Variants in LMNA observed in about 807,000 individuals in gnomAD.
The protein encoded by LMNA is lamin.
A neutral mutation model predicts 70.4 loss-of-function variants in LMNA; 20 were observed. The ratio of observed to expected loss-of-function variants is 0.28; its 90% CI spans 0.20 to 0.41. The LOEUF (loss-of-function observed/expected upper bound fraction) is 0.41. Ranked by LOEUF, LMNA falls within the 10% of genes least tolerant of loss-of-function variation. LMNA has a pLI of 1.00. For synonymous variants in LMNA, 339 were observed against 372.8 expected, an observed-to-expected ratio of 0.91 and a Z score of 1.04; for missense variants, 652 against 917.2, an observed-to-expected ratio of 0.71 and a Z score of 3.73.
Position 156,091,560 on chromosome 1 carries a change from C to G in LMNA, c.-207+978C>G, listed in dbSNP as rs564028039. On this transcript the variant is annotated intron_variant, in intron 3 of 12. Coordinates refer to the LMNA transcript ENST00000368301. Reference sequence around the variant, plus strand: ...GAGGTTGCGGTAAGCCAAGATCGCGCCACTGCACTCCAGCCTGGGCAATAA... The same window carrying G: ...GAGGTTGCGGTAAGCCAAGATCGCGGCACTGCACTCCAGCCTGGGCAATAA... Among the ~76,000 whole-genome samples, 16 of 152,256 alleles carry G rather than the reference C, an allele frequency of 1.1e-4. 1 individual carries two copies. In the South Asian group the frequency reaches 3.3e-3, roughly 32 times the overall value.
At chr1:156,097,186 G>A (rs886452013) in intron 3 of LMNA, among the ~76,000 whole-genome samples, 2 of 152,204 alleles carry the variant, frequency 1.3e-5, no homozygotes, top group African/African-American at 4.8e-5. Context: ...GAGAGAGGAA[G>A]GGGAGGCCCG....
chr1:156,136,022 AG>A lies in LMNA; in HGVS notation c.1059del (p.Gln353HisfsTer127). Reference sequence around the variant, plus strand: ...ATGGCCGAGATGCGGGCAAGGATGCAGCAGCAGCTGGACGAGTACCAGGAGC... The same window carrying A: ...ATGGCCGAGATGCGGGCAAGGATGCACAGCAGCTGGACGAGTACCAGGAGC... ...REMAEMRARM[Q>X]QQLDEYQELL... On this transcript the variant is annotated frameshift_variant, in exon 6 of 12. Coordinates refer to ENST00000368300, the MANE Select transcript of LMNA (RefSeq NM_170707.4). LOFTEE classifies it high-confidence loss of function. The surrounding 1 kb of genome is among the most constrained non-coding windows in gnomAD (Gnocchi z 6.1). 1 of 1,614,206 alleles carries A rather than the reference AG, an allele frequency of 6.2e-7. No individual in the cohort carries two copies. Among genetic ancestry groups the A allele is most frequent in the Non-Finnish European group, 8.5e-7 (1 of 1,180,042 alleles).
At chr1:156,088,358 G>A (rs1648561305) in intron 2 of LMNA, among the ~76,000 whole-genome samples, 1 of 151,858 alleles carries the variant, frequency 6.6e-6, no homozygotes, top group Non-Finnish European at 1.5e-5. Context: ...AACCTCACTA[G>A]CATTAATTAA....
intron 2 of LMNA, among the ~76,000 whole-genome samples, chr1:156,089,452 C>T (rs879857073): frequency 7.9e-5 from 12 of 151,500 alleles, no homozygotes; most frequent in South Asian, 4.2e-4. Context: ...CGCACCCCCA[C>T]GCCCAGCTAA....
At chr1:156,104,285 T>C (rs990746636) in intron 3 of LMNA, among the ~76,000 whole-genome samples, 13 of 152,130 alleles carry the variant, frequency 8.5e-5, no homozygotes, top group Admixed American at 3.3e-4. Flanking sequence ...GGGAGGAGCC[T>C]GGAAGGGCCT....
At chr1:156,086,393 ACTCTCTCTCTCTCT>A (rs55740793) in intron 2 of LMNA, among the ~76,000 whole-genome samples, 3 of 146,406 alleles carry the variant, frequency 2.0e-5, no homozygotes, top group Non-Finnish European at 4.5e-5. Context: ...GTGACCTCTG[ACTCTCTCTCTCTCT>A]CTCTCTCTCT....
Position 156,136,793 on chromosome 1 carries a change from CAG to C in LMNA, c.1381-127_1381-126del, listed in dbSNP as rs1387265548. ...ATTATCCCCGGGGGAAGGGCAGTGA[CAG>C]GGGTGTGTGTAGATGGAAGGAGAGG... is the stretch of plus-strand genomic sequence containing the variant. On this transcript the variant is annotated intron_variant, in intron 7 of 11. Transcript: ENST00000368300. This position sits in a 1 kb window ranked among gnomAD's most constrained non-coding sequence, Gnocchi z 6.1. The C allele has an allele frequency of 1.9e-5, 15 of 786,644 alleles. No homozygotes were observed. The highest frequency in any genetic ancestry group is 2.8e-5 in the Non-Finnish European group (13 of 458,556). 48.7% of individuals were successfully genotyped at this position (786,644 alleles called of 1,614,324 possible). A position where few individuals can be genotyped will look rare whatever the true frequency, so the allele number is the denominator to read the frequency against.
At chr1:156,132,456 C>T (rs1015237578) in intron 2 of LMNA, among the ~76,000 whole-genome samples, 10 of 151,672 alleles carry the variant, frequency 6.6e-5, no homozygotes, top group Non-Finnish European at 1.3e-4. Flanking sequence ...GGCAACAGAG[C>T]GAGACTCCAT....
chr1:156,095,313 A>G (rs1266406801), intron 3 of LMNA, among the ~76,000 whole-genome samples: 1 of 152,148 alleles, frequency 6.6e-6, no homozygotes, highest in African/African-American at 2.4e-5. Flanking sequence ...TGTCTCTCCA[A>G]AACCTAGCAT....
At chr1:156,126,949 G>T (rs775000206) in intron 1 of LMNA, 39 of 1,537,760 alleles carry the variant, frequency 2.5e-5, no homozygotes, top group Non-Finnish European at 2.7e-5. Flanking sequence ...CCCCTGCCCG[G>T]GTATTGTGTG....
chr1:156,139,934 G>A lies in LMNA; in HGVS notation c.*828G>A. ...GAGGGAGGTCACTGGAAAGGGGAGA[G>A]CCTGCTGGCACCCACCGTGGAGGAG... On this transcript the variant is annotated 3_prime_UTR_variant, in exon 12 of 12. Transcript: ENST00000368300. 1 of 1,175,364 alleles carries A rather than the reference G, an allele frequency of 8.5e-7. No individual in the cohort carries two copies. The highest frequency in any genetic ancestry group is 1.1e-6 in the Non-Finnish European group (1 of 870,398). 72.8% of individuals were successfully genotyped at this position (1,175,364 alleles called of 1,614,324 possible).
At position 156,136,555 on chromosome 1, in the gene LMNA, C is replaced by G; in HGVS notation, c.1380+119C>G. 1.9e-6 allele frequency: 2 copies of G among 1,042,158 alleles called. No individual in the cohort carries two copies. Among genetic ancestry groups the G allele is most frequent in the Non-Finnish European group, 2.9e-6 (2 of 697,206 alleles). 64.6% of individuals were successfully genotyped at this position (1,042,158 alleles called of 1,614,324 possible). A position where few individuals can be genotyped will look rare whatever the true frequency, so the allele number is the denominator to read the frequency against. On this transcript the variant is annotated intron_variant, in intron 7 of 11. Transcript: ENST00000368300. The surrounding 1 kb of genome is among the most constrained non-coding windows in gnomAD (Gnocchi z 6.1). ...CCCTCAGAGGGTGGACCAGGGTGAG[C>G]CTGTATATCTCCTCCACACTCTGGT...
intron 3 of LMNA, among the ~76,000 whole-genome samples, chr1:156,106,013 T>C (rs1490600897): frequency 7.2e-5 from 11 of 151,854 alleles, no homozygotes; most frequent in Admixed American, 7.2e-4. Flanking sequence ...CTGGCTCCTG[T>C]AGTCCCAGGT....
At chr1:156,129,794 TA>T in intron 1 of LMNA, 1 of 740,304 alleles carries the variant, frequency 1.4e-6, no homozygotes. Flanking sequence ...TTCGACTGGT[TA>T]TAGCTAAAGC....
At chr1:156,092,140 A>G (rs1237616852) in intron 3 of LMNA, among the ~76,000 whole-genome samples, 3 of 151,404 alleles carry the variant, frequency 2.0e-5, no homozygotes, top group Admixed American at 1.3e-4. Flanking sequence ...CTGGTCTCAA[A>G]CTCCTGACCT....
upstream of LMNA, among the ~76,000 whole-genome samples, chr1:156,114,260 A>T (rs1572330914): frequency 6.6e-6 from 1 of 152,162 alleles, no homozygotes; most frequent in African/African-American, 2.4e-5. Context: ...CTGGGAGGAC[A>T]GGGGGAGCCA....
Position 156,115,356 on chromosome 1 carries a change from G to T in LMNA, c.356+82G>T. On this transcript the variant is annotated intron_variant, in intron 1 of 11. Transcript: ENST00000368300. The surrounding 1 kb of genome is among the most constrained non-coding windows in gnomAD (Gnocchi z 5.8). ...GCGCCCCTGGCCGGCCGCAGGAAGG[G>T]AGTGAGAGGGCCTGGAGGCCGATAA... The T allele has an allele frequency of 7.9e-7, 1 of 1,263,872 alleles. No homozygotes were observed. The highest frequency in any genetic ancestry group is 1.5e-5 in the African/African-American group (1 of 68,102). 78.3% of individuals were successfully genotyped at this position (1,263,872 alleles called of 1,614,324 possible).
rs777841827 is a variant in LMNA, at chr1:156,138,668, C to T, written c.1879C>T (p.Arg627Cys). Residue 627 changes from arginine to cysteine, a missense_variant, in exon 11 of 12, where the codon CGC (arginine) becomes TGC (cysteine). Around this residue, in one of 4 missense-constraint regions of LMNA, gnomAD observed 327 missense variants for 387.6 expected, o/e 0.84. Coordinates refer to ENST00000368300, the MANE Select transcript of LMNA (RefSeq NM_170707.4). This position sits in a 1 kb window ranked among gnomAD's most constrained non-coding sequence, Gnocchi z 5.5. ...CAGTGTCACGGTCACTCGCAGCTAC[C>T]GCAGTGTGGGGGGCAGTGGGGGTGG... ...ASSVTVTRSY[R>C]SVGGSGGGSF... is the part of the protein sequence containing the mutation. 64 of 1,613,580 alleles carry T rather than the reference C, an allele frequency of 4.0e-5. No individual in the cohort carries two copies. The highest frequency in any genetic ancestry group is 4.8e-5 in the Non-Finnish European group (57 of 1,179,990).
chr1:156,126,121 G>T (rs1650551864), intron 1 of LMNA: 2 of 1,478,232 alleles, frequency 1.4e-6, no homozygotes, highest in South Asian at 1.3e-5. Context: ...GGCCACAGGG[G>T]GCGATGTTCC....
Sources: gnomAD v4.1 joint callset for allele counts (sites outside exome capture counted in the v4.1 genomes callset) on GRCh38, gnomAD v4.1.1 for gene constraint, gnomAD v4.1.1 regional missense constraint, Gnocchi (gnomAD v3.1) non-coding constraint, MANE v1.5 for transcripts, NCBI Gene and HGNC (gene_info 2026-07-23, HGNC 2026-07-21) for gene names.